The following NRG3 variants were observed in gnomAD, a reference collection of about 807,000 sequenced individuals.
The protein encoded by NRG3 is neuregulin 3.
NRG3 carries 31 observed loss-of-function variants against 66.9 expected under a neutral mutation model. The observed-to-expected ratio is 0.46, with a 90% CI of 0.35 to 0.63. The LOEUF (loss-of-function observed/expected upper bound fraction) is 0.63, where lower values mean the gene tolerates loss of function less well. Among genes scored for constraint, NRG3 ranks in the 20% least tolerant of loss-of-function variants. The pLI is 0.00. For missense variants in NRG3, 910 were observed against 878.9 expected (o/e 1.04, Z -0.45); for synonymous variants, 393 against 359.4 (o/e 1.09, Z -1.06).
At chr10:82,570,861 G>T (rs1207516364) in intron 2 of NRG3, among the ~76,000 whole-genome samples, 2 of 151,514 alleles carry the variant, frequency 1.3e-5, no homozygotes, top group Admixed American at 6.6e-5. Flanking sequence ...GTCTTTCATT[G>T]TTATGTTTCC....
chr10:82,704,401 A>C (rs932543113), intron 2 of NRG3, among the ~76,000 whole-genome samples: 5 of 152,206 alleles, frequency 3.3e-5, no homozygotes, highest in Non-Finnish European at 7.3e-5. Flanking sequence ...TAGTTACACT[A>C]ACTATAAATC....
chr10:82,394,097 A>G (rs1231463418), intron 2 of NRG3, among the ~76,000 whole-genome samples: 1 of 152,162 alleles, frequency 6.6e-6, no homozygotes, highest in Non-Finnish European at 1.5e-5. Context: ...GTCCCCCTCC[A>G]TAACATCACA....
At chr10:82,048,336 C>G (rs1235902050) in intron 1 of NRG3, among the ~76,000 whole-genome samples, 2 of 151,594 alleles carry the variant, frequency 1.3e-5, no homozygotes, top group Non-Finnish European at 2.9e-5. Flanking sequence ...CAAAATTGAC[C>G]ACATAGTTGG....
At chr10:82,218,144 A>G (rs1056416374) in intron 1 of NRG3, among the ~76,000 whole-genome samples, 7 of 152,242 alleles carry the variant, frequency 4.6e-5, no homozygotes, top group African/African-American at 1.4e-4. Flanking sequence ...GATATCACCT[A>G]TTCTATTCCA....
At chr10:82,471,667 T>C (rs1841278268) in intron 2 of NRG3, among the ~76,000 whole-genome samples, 1 of 152,114 alleles carries the variant, frequency 6.6e-6, no homozygotes, top group Non-Finnish European at 1.5e-5. Flanking sequence ...TCCCAGCACT[T>C]TGGGAGCCCG....
chr10:82,678,562 C>T (rs1470347987), intron 2 of NRG3, among the ~76,000 whole-genome samples: 1 of 152,162 alleles, frequency 6.6e-6, no homozygotes, highest in African/African-American at 2.4e-5. Context: ...GATATGATAG[C>T]TTAGCTTGGG....
At chr10:82,497,181 C>G (rs944827591) in intron 2 of NRG3, among the ~76,000 whole-genome samples, 1 of 152,112 alleles carries the variant, frequency 6.6e-6, no homozygotes, top group Middle Eastern at 3.2e-3. Flanking sequence ...TCATCCTTCT[C>G]GTTAAATCTT....
At position 82,350,150 on chromosome 10, in the gene NRG3, G is replaced by T. The variant is rs765983573; in HGVS notation, c.824-8589G>T. On this transcript the variant is annotated intron_variant, in intron 1 of 8. Transcript: ENST00000372141. ...AAAAATAAAAAAACCTTGATTATTA[G>T]CCTCAGGTATGTTCACAAAAGTATA... Among the ~76,000 whole-genome samples, 7 of 152,290 alleles carry T rather than the reference G, an allele frequency of 4.6e-5. No individual in the cohort carries two copies. The East Asian group carries it at 1.2e-3, about 25-fold the overall frequency.
At chr10:82,368,617 C>T (rs1329003197) in intron 2 of NRG3, among the ~76,000 whole-genome samples, 1 of 138,004 alleles carries the variant, frequency 7.2e-6, no homozygotes, top group Non-Finnish European at 1.5e-5. Flanking sequence ...TGCTTCCTGC[C>T]TGAGAGTTTC....
chr10:82,423,328 G>A (rs147605133), intron 2 of NRG3, among the ~76,000 whole-genome samples: 4 of 151,792 alleles, frequency 2.6e-5, no homozygotes, highest in South Asian at 2.1e-4. Flanking sequence ...ATATATTATC[G>A]TTATAATTAT....
intron 7 of NRG3, among the ~76,000 whole-genome samples, chr10:82,974,167 TA>T (rs540381374): frequency 2.3e-3 from 322 of 143,048 alleles, no homozygotes; most frequent in East Asian, 4.6e-3. Context: ...TACAGACCAG[TA>T]AAAAAAAAAA....
At chr10:82,069,443 T>TCC (rs2064676100) in intron 1 of NRG3, among the ~76,000 whole-genome samples, 1 of 152,190 alleles carries the variant, frequency 6.6e-6, no homozygotes, top group Non-Finnish European at 1.5e-5. Flanking sequence ...CATGAGCGTA[T>TCC]TTAACTTTCC....
At chr10:82,528,258 T>C (rs1846915679) in intron 2 of NRG3, among the ~76,000 whole-genome samples, 1 of 152,140 alleles carries the variant, frequency 6.6e-6, no homozygotes. Context: ...GAGGTATAGC[T>C]AAATATATAG....
chr10:82,713,847 AT>A (rs1244431531), intron 2 of NRG3, among the ~76,000 whole-genome samples: 4 of 152,114 alleles, frequency 2.6e-5, no homozygotes, highest in Non-Finnish European at 5.9e-5. Flanking sequence ...CATGGATTCA[AT>A]TTGTTTATTA....
intron 1 of NRG3, among the ~76,000 whole-genome samples, chr10:82,355,437 A>G (rs1042303187): frequency 7.2e-5 from 11 of 152,182 alleles, no homozygotes; most frequent in African/African-American, 2.7e-4. Context: ...TATGTTGAAA[A>G]TTAAACAAAT....
At chr10:82,017,396 C>G (rs1265184016) in intron 1 of NRG3, among the ~76,000 whole-genome samples, 5 of 152,152 alleles carry the variant, frequency 3.3e-5, no homozygotes, top group African/African-American at 1.2e-4. Context: ...CCGCAATAAA[C>G]ATACGTGTGC....
chr10:81,899,827 C>T (rs1322000744), intron 1 of NRG3, among the ~76,000 whole-genome samples: 6 of 152,174 alleles, frequency 3.9e-5, no homozygotes, highest in Non-Finnish European at 7.3e-5. Context: ...GAATGTTTGT[C>T]ATACACAGTC....
rs557501331 is a variant in NRG3 at position 82,442,250 on chromosome 10, C to T, written c.953+83382C>T. 1.7e-4 allele frequency among the ~76,000 whole-genome samples: 26 copies of T among 152,168 alleles called. No individual in the cohort carries two copies. The South Asian group carries it at 3.7e-3, about 22-fold the overall frequency. On this transcript the variant is annotated intron_variant, in intron 2 of 8. Coordinates refer to ENST00000372141, the MANE Select transcript of NRG3 (RefSeq NM_001010848.4). Reference sequence around the variant, plus strand: ...GCTAGAGACACTACTCAGTGTTACACGTGAAACAAGATTCCTAGTCCCAGC... The same window carrying T: ...GCTAGAGACACTACTCAGTGTTACATGTGAAACAAGATTCCTAGTCCCAGC...
chr10:82,538,771 A>G (rs1169931190), intron 2 of NRG3, among the ~76,000 whole-genome samples: 4 of 152,148 alleles, frequency 2.6e-5, no homozygotes, highest in Non-Finnish European at 5.9e-5. Context: ...TCAGTAAACT[A>G]TTACCTTCGA....
Sources: gnomAD v4.1 joint callset for allele counts (sites outside exome capture counted in the v4.1 genomes callset) on GRCh38, gnomAD v4.1.1 for gene constraint, MANE v1.5 for transcripts, NCBI Gene and HGNC (gene_info 2026-07-23, HGNC 2026-07-21) for gene names.